The following MROH1 variants were observed in gnomAD, a reference collection of about 807,000 sequenced individuals.
MROH1 encodes maestro heat like repeat family member 1, also known as maestro heat-like repeat-containing protein family member 1.
Under a neutral mutation model 116.5 loss-of-function variants are expected in MROH1, and 117 were observed. The observed-to-expected ratio is 1.00, with a 90% CI of 0.86 to 1.17. The LOEUF (loss-of-function observed/expected upper bound fraction) is 1.17, where lower values mean the gene tolerates loss of function less well. Ranked by LOEUF, MROH1 falls within the 50% of genes most tolerant of loss-of-function variation. The pLI, the probability that MROH1 is intolerant of heterozygous loss-of-function variation, is 0.00. For missense variants in MROH1, 1,873 were observed against 1,338.5 expected (o/e 1.40, Z -6.23); for synonymous variants, 921 against 583.9 (o/e 1.58, Z -8.32).
At chr8:144,159,992 A>C (rs1385908162) in intron 1 of MROH1, among the ~76,000 whole-genome samples, 1 of 151,694 alleles carries the variant, frequency 6.6e-6, no homozygotes, top group Non-Finnish European at 1.5e-5. Flanking sequence ...GATGGTCTTG[A>C]TCTCCTGAGC....
At chr8:144,207,999 G>C (rs1476522140) in intron 12 of MROH1, among the ~76,000 whole-genome samples, 1 of 150,160 alleles carries the variant, frequency 6.7e-6, no homozygotes, top group East Asian at 2.0e-4. Context: ...AGGCTGGAGT[G>C]CAGTGGTGCG....
intron 13 of MROH1, 142 bp from the exon 14 acceptor site, chr8:144,222,966 A>G (rs1461112202): frequency 1.7e-6 from 2 of 1,187,378 alleles, no homozygotes; most frequent in Non-Finnish European, 1.2e-6. Context: ...GTATGGGTGC[A>G]GGTACAGGTG....
At chr8:144,242,674 G>A (rs980167068) in intron 24 of MROH1, 46 bp downstream of exon 24, 5 of 768,622 alleles carry the variant, frequency 6.5e-6, no homozygotes, top group Admixed American at 1.8e-5. Flanking sequence ...CTCTCCTCTC[G>A]GCTCTCCTCT....
At chr8:144,229,734 T>C (rs564569704) in intron 14 of MROH1, among the ~76,000 whole-genome samples, 1 of 152,248 alleles carries the variant, frequency 6.6e-6, no homozygotes, top group South Asian at 2.1e-4. Flanking sequence ...GCTTTTTTGT[T>C]TTCTCTTAGC....
chr8:144,174,267 A>G (rs1823249220), intron 4 of MROH1, among the ~76,000 whole-genome samples: 1 of 152,116 alleles, frequency 6.6e-6, no homozygotes, highest in Non-Finnish European at 1.5e-5. Flanking sequence ...CCAGGATTTT[A>G]CTTGTAGCTT....
chr8:144,191,941 C>A, intron 9 of MROH1, 86 bp downstream of exon 9: 1 of 1,507,220 alleles, frequency 6.6e-7, no homozygotes. Flanking sequence ...TCGGCTAGGG[C>A]TCAGTGGTGG....
chr8:144,221,248 C>T (rs748495358), intron 13 of MROH1, among the ~76,000 whole-genome samples: 1 of 152,214 alleles, frequency 6.6e-6, no homozygotes, highest in Non-Finnish European at 1.5e-5. Context: ...GGAGCTGATG[C>T]CACGTGGCCC....
At chr8:144,260,562 C>G in intron 39 of MROH1, 115 bp from the exon 40 acceptor site, 1 of 760,358 alleles carries the variant, frequency 1.3e-6, no homozygotes, top group Non-Finnish European at 2.4e-6. Flanking sequence ...CCCCACCCGT[C>G]GGGGTGTTTC....
rs1842627458 is a variant in MROH1 at position 144,250,203 on chromosome 8, C to T, written c.3274-9C>T. The T allele has an allele frequency of 3.9e-6, 3 of 765,434 alleles. No homozygotes were observed. Among genetic ancestry groups the T allele is most frequent in the African/African-American group, 1.7e-5 (1 of 59,024 alleles). The allele number at this position is 765,434 out of a possible 1,614,324, so 47.4% of individuals were successfully genotyped here. On this transcript the variant is annotated splice_polypyrimidine_tract_variant and intron_variant, in intron 32 of 43. Coordinates refer to ENST00000326134, the MANE Select transcript of MROH1 (RefSeq NM_032450.3). The stretch of plus-strand genomic sequence containing the variant: ...CGTGGCCTGACCACCGTGTCCCGCC[C>T]ATCTACAGGTGCCCGAGATCGTGAG...
At position 144,257,802 on chromosome 8, in the gene MROH1, G is replaced by T. The variant is rs1344454515; in HGVS notation, c.3792-975G>T. ...ACCACACGGCCCGTGCCGCTCGGGG[G>T]TTGTCTGCTTTTGGGCCAGGTGCTC... On this transcript the variant is annotated intron_variant, in intron 35 of 43. Coordinates refer to ENST00000326134, the MANE Select transcript of MROH1 (RefSeq NM_032450.3). Among the ~76,000 whole-genome samples, 9 of 152,386 alleles carry T rather than the reference G, an allele frequency of 5.9e-5. No homozygotes were observed. The East Asian group carries it at 1.5e-3, about 26-fold the overall frequency.
At chr8:144,246,578 C>T (rs1309479319) in intron 29 of MROH1, among the ~76,000 whole-genome samples, 6 of 152,172 alleles carry the variant, frequency 3.9e-5, no homozygotes, top group African/African-American at 1.4e-4. Context: ...AGAACAATGG[C>T]TGGTCACCCT....
chr8:144,186,041 G>T (rs1041326792), intron 7 of MROH1, among the ~76,000 whole-genome samples: 2 of 152,096 alleles, frequency 1.3e-5, no homozygotes, highest in African/African-American at 4.8e-5. Context: ...GCAGTGCTCC[G>T]TGGGCTCCGC....
Position 144,163,675 on chromosome 8 carries a change from T to C in MROH1, c.-56-96T>C. On this transcript the variant is annotated intron_variant, in intron 2 of 43. Coordinates refer to ENST00000326134, the MANE Select transcript of MROH1 (RefSeq NM_032450.3). The surrounding 1 kb of genome is among the most constrained non-coding windows in gnomAD (Gnocchi z 4.4). ...AGATATTTCCCCCAGAATAAATTCA[T>C]TTAAATTGTGTATTTTACATGGAAA... 1.3e-6 allele frequency: 1 copy of C among 774,916 alleles called. No individual in the cohort carries two copies. Among genetic ancestry groups the C allele is most frequent in the African/African-American group, 1.8e-5 (1 of 57,136 alleles). The allele number at this position is 774,916 out of a possible 1,614,324, so 48.0% of individuals were successfully genotyped here. A position where few individuals can be genotyped will look rare whatever the true frequency, so the allele number is the denominator to read the frequency against.
intron 9 of MROH1, among the ~76,000 whole-genome samples, 198 bp from the exon 10 acceptor site, chr8:144,192,111 C>T (rs1828759677): frequency 6.6e-6 from 1 of 152,162 alleles, no homozygotes; most frequent in South Asian, 2.1e-4. Flanking sequence ...GAGCCCCCTT[C>T]CTGGGCCCTC....
intron 12 of MROH1, among the ~76,000 whole-genome samples, chr8:144,218,054 G>A (rs1377097725): frequency 6.6e-6 from 1 of 151,864 alleles, no homozygotes; most frequent in African/African-American, 2.4e-5. Flanking sequence ...GGATCCTTCT[G>A]GGTGGCTGTG....
At chr8:144,179,643 G>A in intron 5 of MROH1, 57 bp downstream of exon 5, 13 of 1,554,544 alleles carry the variant, frequency 8.4e-6, no homozygotes, top group Non-Finnish European at 1.1e-5. Flanking sequence ...AAGGGAAGCT[G>A]CTTCTTGGCC....
chr8:144,194,995 A>AG (rs1385015794), intron 10 of MROH1, among the ~76,000 whole-genome samples: 1 of 151,874 alleles, frequency 6.6e-6, no homozygotes. Context: ...AGCACTGACC[A>AG]GCTAGAAAGT....
chr8:144,212,572 T>C (rs1192071911), intron 12 of MROH1, among the ~76,000 whole-genome samples: 4 of 143,166 alleles, frequency 2.8e-5, no homozygotes. Context: ...TTTACCTCTC[T>C]TCTGTTACTT....
intron 14 of MROH1, among the ~76,000 whole-genome samples, chr8:144,232,313 G>C (rs1839053310): frequency 6.6e-6 from 1 of 151,988 alleles, no homozygotes; most frequent in Non-Finnish European, 1.5e-5. Flanking sequence ...TTATGAGCTT[G>C]AAGAAATTCC....
Sources: allele counts gnomAD v4.1 joint callset (sites outside exome capture counted in the v4.1 genomes callset), GRCh38; gene constraint gnomAD v4.1.1; non-coding constraint Gnocchi (gnomAD v3.1); transcripts MANE v1.5; gene names NCBI Gene and HGNC (gene_info 2026-07-23, HGNC 2026-07-21).